HS6ST2: variants seen among roughly 807,000 people sequenced by gnomAD.
HS6ST2 encodes heparan sulfate 6-O-sulfotransferase 2, also known as heparan-sulfate 6-O-sulfotransferase 2.
HS6ST2 carries 17 observed loss-of-function variants against 33.0 expected under a neutral mutation model. That is an observed-to-expected ratio of 0.52 (90% CI 0.35 to 0.77). The LOEUF is 0.77. Ranked by LOEUF, HS6ST2 falls within the 30% of genes least tolerant of loss-of-function variation. HS6ST2 has a pLI of 0.01. For missense variants in HS6ST2, 519 were observed against 551.7 expected, an observed-to-expected ratio of 0.94 and a Z score of 0.59; for synonymous variants, 248 against 237.1, an observed-to-expected ratio of 1.05 and a Z score of -0.42.
chrX:132,752,679 C>T (rs2064718346), intron 2 of HS6ST2, among the ~76,000 whole-genome samples: 1 of 111,579 alleles, frequency 9.0e-6, no homozygotes. Flanking sequence ...CAAGTCAGCT[C>T]AATGTTGTAC....
At chrX:132,813,815 C>T (rs2065372024) in intron 2 of HS6ST2, among the ~76,000 whole-genome samples, 1 of 111,133 alleles carries the variant, frequency 9.0e-6, no homozygotes, top group Non-Finnish European at 1.9e-5. Context: ...CTGATCTCCC[C>T]TCCATTTAAG....
chrX:132,911,701 C>T (rs2066536597), intron 2 of HS6ST2, among the ~76,000 whole-genome samples: 1 of 105,676 alleles, frequency 9.5e-6, no homozygotes, highest in Non-Finnish European at 1.9e-5. Flanking sequence ...TGCAGTGGCC[C>T]ATCTCGGCTC....
chrX:132,858,612 T>C (rs1057501515), intron 2 of HS6ST2, among the ~76,000 whole-genome samples: 3 of 111,894 alleles, frequency 2.7e-5, no homozygotes, highest in Non-Finnish European at 5.6e-5. Flanking sequence ...AATGTGGATG[T>C]TGTTAGCATA....
At chrX:132,831,251 T>C (rs1375484311) in intron 2 of HS6ST2, among the ~76,000 whole-genome samples, 1 of 111,199 alleles carries the variant, frequency 9.0e-6, no homozygotes, top group Non-Finnish European at 1.9e-5. Flanking sequence ...AGAAAACAAC[T>C]CTGAAATACT....
intron 2 of HS6ST2, among the ~76,000 whole-genome samples, chrX:132,828,716 A>G (rs183705996): frequency 0.24 from 19,108 of 80,907 alleles, 2,986 homozygotes; most frequent in African/African-American, 0.29. Context: ...ACACACACAC[A>G]CACACACACA....
intron 2 of HS6ST2, among the ~76,000 whole-genome samples, chrX:132,902,812 T>C (rs2066437196): frequency 8.9e-6 from 1 of 111,745 alleles, no homozygotes. Context: ...CTCAACCTGA[T>C]AAAGAATAAC....
chrX:132,818,044 T>A (rs2065411912), intron 2 of HS6ST2, among the ~76,000 whole-genome samples: 1 of 111,480 alleles, frequency 9.0e-6, no homozygotes, highest in Non-Finnish European at 1.9e-5. Flanking sequence ...ACACACATAT[T>A]TTTGCATCTA....
At chrX:132,679,466 G>T (rs1602572560) in intron 3 of HS6ST2, among the ~76,000 whole-genome samples, 1 of 111,299 alleles carries the variant, frequency 9.0e-6, no homozygotes, top group African/African-American at 3.3e-5. Flanking sequence ...ATAGGGTGTT[G>T]GTCACAAAGA....
chrX:132,685,193 TTGCTTCTGGATTAAA>T (rs1480823217), intron 3 of HS6ST2, among the ~76,000 whole-genome samples: 1 of 111,853 alleles, frequency 8.9e-6, no homozygotes, highest in Non-Finnish European at 1.9e-5. Context: ...GGCCCTTTAT[TTGCTTCTGGATTAAA>T]TATACTAAGG....
At chrX:132,926,781 G>A (rs1388678334) in intron 2 of HS6ST2, among the ~76,000 whole-genome samples, 1 of 111,198 alleles carries the variant, frequency 9.0e-6, no homozygotes, top group Non-Finnish European at 1.9e-5. Context: ...AAATTAGCTG[G>A]GCATGGTGGT....
chrX:132,841,560 A>G (rs1432283158), intron 2 of HS6ST2, among the ~76,000 whole-genome samples: 1 of 111,956 alleles, frequency 8.9e-6, no homozygotes, highest in African/African-American at 3.2e-5. Flanking sequence ...GGCTCCCAAT[A>G]GAATTAAGAG....
chrX:132,748,092 T>C (rs1158971928), intron 2 of HS6ST2, among the ~76,000 whole-genome samples: 1 of 111,233 alleles, frequency 9.0e-6, no homozygotes, highest in Middle Eastern at 4.3e-3. Flanking sequence ...CCAACATAGC[T>C]CTCTCTGTGG....
chrX:132,880,926 T>G (rs2066164511), intron 2 of HS6ST2, among the ~76,000 whole-genome samples: 1 of 109,885 alleles, frequency 9.1e-6, no homozygotes, highest in Non-Finnish European at 1.9e-5. Flanking sequence ...GGTTTCCAGC[T>G]TCATCCATGT....
At chrX:132,782,875 G>C (rs1235521508) in intron 2 of HS6ST2, among the ~76,000 whole-genome samples, 1 of 111,776 alleles carries the variant, frequency 8.9e-6, no homozygotes, top group African/African-American at 3.3e-5. Context: ...TGACCTACAG[G>C]AGTACTGCTT....
At chrX:132,905,752 T>C (rs2066467315) in intron 2 of HS6ST2, among the ~76,000 whole-genome samples, 1 of 111,882 alleles carries the variant, frequency 8.9e-6, no homozygotes, top group Non-Finnish European at 1.9e-5. Flanking sequence ...CATCTCTATA[T>C]TAAAAAAAAT....
At chrX:132,757,074 T>G (rs752462972) in intron 2 of HS6ST2, among the ~76,000 whole-genome samples, 2 of 111,793 alleles carry the variant, frequency 1.8e-5, no homozygotes, top group Non-Finnish European at 3.8e-5. Context: ...ATGTGTAATC[T>G]AACATTGTCT....
intron 2 of HS6ST2, among the ~76,000 whole-genome samples, chrX:132,801,364 A>G (rs2065233471): frequency 9.0e-6 from 1 of 111,703 alleles, no homozygotes; most frequent in Admixed American, 9.6e-5. Context: ...CAGCTTACTC[A>G]TTCTCCCTCC....
chrX:132,692,220 C>T (rs1306305675), intron 3 of HS6ST2, among the ~76,000 whole-genome samples: 3 of 111,200 alleles, frequency 2.7e-5, no homozygotes, highest in East Asian at 5.7e-4. Flanking sequence ...TCCCAGCCCA[C>T]GCTCAGTTTA....
chrX:132,854,459 C>T, intron 2 of HS6ST2, among the ~76,000 whole-genome samples: 1 of 112,501 alleles, frequency 8.9e-6, no homozygotes, highest in Non-Finnish European at 1.9e-5. Context: ...ACGCCTTCAC[C>T]TATGAAACTC....
Sources: allele counts gnomAD v4.1 joint callset (sites outside exome capture counted in the v4.1 genomes callset), GRCh38; gene constraint gnomAD v4.1.1; transcripts MANE v1.5; gene names NCBI Gene and HGNC (gene_info 2026-07-23, HGNC 2026-07-21).